Variants in LRP1B observed in about 807,000 individuals in gnomAD.
LRP1B encodes low-density lipoprotein receptor-related protein 1B.
In LRP1B, 217 loss-of-function variants were observed where a neutral mutation model predicts 556.6. The ratio of observed to expected loss-of-function variants is 0.39; its 90% CI spans 0.35 to 0.44. LRP1B has a LOEUF of 0.44. Ranked by LOEUF, LRP1B falls within the 20% of genes least tolerant of loss-of-function variation. LRP1B has a pLI of 1.00. For synonymous variants in LRP1B, 2,047 were observed against 1,865.8 expected, an observed-to-expected ratio of 1.10 and a Z score of -2.50; for missense variants, 5,053 against 5,620.8, an observed-to-expected ratio of 0.90 and a Z score of 3.23.
intron 32 of LRP1B, among the ~76,000 whole-genome samples, chr2:140,800,736 A>G (rs1403594592): frequency 6.6e-6 from 1 of 151,882 alleles, no homozygotes; most frequent in Non-Finnish European, 1.5e-5. Context: ...TTTTCCTTCC[A>G]TTAAGCTATT....
chr2:141,368,738 A>T (rs1379194219), intron 3 of LRP1B, among the ~76,000 whole-genome samples: 1 of 152,218 alleles, frequency 6.6e-6, no homozygotes, highest in East Asian at 1.9e-4. Context: ...TACCAGCTCT[A>T]AACTATAAAA....
At chr2:140,706,282 A>T (rs1686833898) in intron 37 of LRP1B, among the ~76,000 whole-genome samples, 1 of 152,166 alleles carries the variant, frequency 6.6e-6, no homozygotes, top group Admixed American at 6.6e-5. Flanking sequence ...AAACGTGTTC[A>T]CTATATGATA....
intron 1 of LRP1B, among the ~76,000 whole-genome samples, chr2:141,867,087 T>A (rs560304640): frequency 6.6e-6 from 1 of 152,088 alleles, no homozygotes; most frequent in South Asian, 2.1e-4. Context: ...TATAAAACAC[T>A]AGGAAATGAA....
chr2:140,725,959 A>G (rs1363983741), intron 35 of LRP1B, among the ~76,000 whole-genome samples: 1 of 152,160 alleles, frequency 6.6e-6, no homozygotes, highest in Non-Finnish European at 1.5e-5. Context: ...ATGGCTACCC[A>G]TTAGAACTGC....
intron 18 of LRP1B, among the ~76,000 whole-genome samples, chr2:140,955,859 T>C (rs749832826): frequency 6.6e-6 from 1 of 151,668 alleles, no homozygotes; most frequent in African/African-American, 2.4e-5. Flanking sequence ...GACCTAGGAA[T>C]TTTCCTTATT....
chr2:142,088,009 G>A (rs1187566131), intron 1 of LRP1B, among the ~76,000 whole-genome samples: 1 of 152,044 alleles, frequency 6.6e-6, no homozygotes, highest in Non-Finnish European at 1.5e-5. Flanking sequence ...ATGCAAATTA[G>A]GTAAGCAATT....
rs1684790686 is a variant in LRP1B at position 141,529,169 on chromosome 2, G to A, written c.206-48636C>T. Among the ~76,000 whole-genome samples the A allele has an allele frequency of 2.6e-5, 4 of 152,200 alleles. No individual in the cohort carries two copies. In the South Asian group the frequency reaches 8.3e-4, roughly 31 times the overall value. On this transcript the variant is annotated intron_variant, in intron 2 of 90. Transcript: ENST00000389484. ...AGTGTCTTACCTAAGTACTGTGATAGAGACCATTAAAGATACAAAGACTTA... is the reference window on the plus strand; with the variant it reads ...AGTGTCTTACCTAAGTACTGTGATAAAGACCATTAAAGATACAAAGACTTA...
At chr2:141,184,659 T>C (rs1391206512) in intron 7 of LRP1B, among the ~76,000 whole-genome samples, 3 of 151,772 alleles carry the variant, frequency 2.0e-5, no homozygotes, top group Admixed American at 1.3e-4. Flanking sequence ...TAATAGCTCC[T>C]ATGTCACGTC....
At chr2:141,201,770 T>A (rs1181548754) in intron 6 of LRP1B, among the ~76,000 whole-genome samples, 1 of 152,088 alleles carries the variant, frequency 6.6e-6, no homozygotes, top group Non-Finnish European at 1.5e-5. Flanking sequence ...TAATATACAA[T>A]TAGAGAAGAA....
chr2:141,468,346 A>C lies in LRP1B; in HGVS notation c.343+12050T>G, dbSNP rs181007861. Among the ~76,000 whole-genome samples the C allele has an allele frequency of 9.6e-3, 1,461 of 152,268 alleles. 12 individuals are homozygous for C. Among genetic ancestry groups the C allele is most frequent in the Non-Finnish European group, 0.015 (989 of 68,018 alleles). On this transcript the variant is annotated intron_variant, in intron 3 of 90. Coordinates refer to ENST00000389484, the MANE Select transcript of LRP1B (RefSeq NM_018557.3). ...TTTTGAAAATGGGAACAAATGAAAC[A>C]AACCCAGTTGAAGAGTATAAAAGGA...
In LRP1B at chr2:140,891,496, G is replaced by A. The variant is rs574970210; in HGVS notation, c.3767-5161C>T. Among the ~76,000 whole-genome samples the A allele has an allele frequency of 6.6e-5, 10 of 152,070 alleles. No individual in the cohort carries two copies. The East Asian group carries it at 9.7e-4, about 15-fold the overall frequency. On this transcript the variant is annotated intron_variant, in intron 23 of 90. Transcript: ENST00000389484. Reference sequence around the variant, plus strand: ...ACAATGTTTTCTCTCCTGCTACTTCGGAGTTTTTACTGTATTTTATGTTCT... The same window carrying A: ...ACAATGTTTTCTCTCCTGCTACTTCAGAGTTTTTACTGTATTTTATGTTCT...
chr2:141,040,223 G>A (rs953834153), intron 11 of LRP1B, among the ~76,000 whole-genome samples: 5 of 152,046 alleles, frequency 3.3e-5, no homozygotes, highest in African/African-American at 1.2e-4. Context: ...GTTAAAGGCA[G>A]AAAAATAAGA....
At chr2:140,473,092 T>A (rs903550129) in intron 60 of LRP1B, among the ~76,000 whole-genome samples, 7 of 152,032 alleles carry the variant, frequency 4.6e-5, no homozygotes, top group African/African-American at 1.4e-4. Context: ...AATAATCCAA[T>A]TCCACTTTAC....
At chr2:141,888,082 T>C (rs1390278110) in intron 1 of LRP1B, among the ~76,000 whole-genome samples, 1 of 152,176 alleles carries the variant, frequency 6.6e-6, no homozygotes, top group East Asian at 1.9e-4. Context: ...ATTCAAAGTG[T>C]CCTCCTTCCA....
chr2:140,252,087 A>AAAAAAAAAAC lies in LRP1B; in HGVS notation c.13248-4926_13248-4925insGTTTTTTTTT, dbSNP rs1170506845. ...CAAAAAAAAAAAAAAAAAAAAAAAA[A>AAAAAAAAAAC]AACCCAAAAAACAAAAAAAAACAGA... On this transcript the variant is annotated intron_variant, in intron 86 of 90. Coordinates refer to ENST00000389484, the MANE Select transcript of LRP1B (RefSeq NM_018557.3). Among the ~76,000 whole-genome samples, 74 of 111,666 alleles carry AAAAAAAAAAC rather than the reference A, an allele frequency of 6.6e-4. 5 individuals carry two copies. In the East Asian group the frequency reaches 6.9e-3, roughly 10 times the overall value. 73.3% of individuals were successfully genotyped at this position (111,666 alleles called of 152,430 possible). A position where few individuals can be genotyped will look rare whatever the true frequency, so the allele number is the denominator to read the frequency against.
chr2:140,977,060 T>C (rs1317643931), intron 18 of LRP1B, among the ~76,000 whole-genome samples: 1 of 152,226 alleles, frequency 6.6e-6, no homozygotes, highest in South Asian at 2.1e-4. Context: ...TGTTTAATCA[T>C]GAAATGCCCT....
intron 65 of LRP1B, 68 bp downstream of exon 65, chr2:140,444,262 G>T (rs1009296906): frequency 3.2e-5 from 49 of 1,540,082 alleles, no homozygotes; most frequent in Non-Finnish European, 4.3e-5. Context: ...ATGAAGTATA[G>T]TACTAATTTT....
chr2:141,596,526 T>A (rs1211184259), intron 2 of LRP1B, among the ~76,000 whole-genome samples: 2 of 152,036 alleles, frequency 1.3e-5, no homozygotes, highest in African/African-American at 4.8e-5. Flanking sequence ...TAATTAATAA[T>A]AATAATGACA....
intron 32 of LRP1B, among the ~76,000 whole-genome samples, chr2:140,811,976 C>T (rs939535639): frequency 6.6e-6 from 1 of 151,978 alleles, no homozygotes; most frequent in Non-Finnish European, 1.5e-5. Flanking sequence ...TTCTCTTTTA[C>T]ACATTTAAAT....
Sources: allele counts gnomAD v4.1 joint callset (sites outside exome capture counted in the v4.1 genomes callset), GRCh38; gene constraint gnomAD v4.1.1; transcripts MANE v1.5; gene names NCBI Gene and HGNC (gene_info 2026-07-23, HGNC 2026-07-21).